The following UNC5D variants were observed in gnomAD, a reference collection of about 807,000 sequenced individuals.
UNC5D encodes netrin receptor UNC5D.
In UNC5D, 39 loss-of-function variants were observed where a neutral mutation model predicts 105.4. The ratio of observed to expected loss-of-function variants is 0.37; its 90% CI spans 0.29 to 0.48. UNC5D has a LOEUF of 0.48. UNC5D is among the 20% of genes least tolerant of loss of function. The pLI, the probability that UNC5D is intolerant of heterozygous loss-of-function variation, is 0.98. For missense variants in UNC5D, 991 were observed against 1,202.4 expected (o/e 0.82, Z 2.60); for synonymous variants, 452 against 450.4 (o/e 1.00, Z -0.04).
chr8:35,487,170 T>C lies in UNC5D; in HGVS notation c.104-62122T>C, dbSNP rs80054755. ...ATCTTGTAATGAGTCACAGCATTCC[T>C]GATGAATGCCTCATGAAATTGAGAT... On this transcript the variant is annotated intron_variant, in intron 1 of 16. Transcript: ENST00000404895. 5.9e-3 allele frequency among the ~76,000 whole-genome samples: 892 copies of C among 149,976 alleles called. 9 individuals are homozygous for C. The highest frequency in any genetic ancestry group is 0.021 in the African/African-American group (854 of 41,410).
chr8:35,643,449 T>C (rs954208321), intron 4 of UNC5D, among the ~76,000 whole-genome samples: 4 of 152,216 alleles, frequency 2.6e-5, no homozygotes, highest in African/African-American at 4.8e-5. Context: ...CCTGAGTAGC[T>C]GGGACTACAG....
chr8:35,275,696 C>G (rs1805728107), intron 1 of UNC5D, among the ~76,000 whole-genome samples: 1 of 152,178 alleles, frequency 6.6e-6, no homozygotes, highest in Non-Finnish European at 1.5e-5. Context: ...TGGAGGAAAT[C>G]ACTGTGGCAG....
At chr8:35,565,437 CTT>C (rs1816711394) in intron 2 of UNC5D, among the ~76,000 whole-genome samples, 1 of 151,902 alleles carries the variant, frequency 6.6e-6, no homozygotes, top group African/African-American at 2.4e-5. Context: ...GATTATTTGT[CTT>C]TTCTTGCTGA....
chr8:35,290,071 G>C lies in UNC5D; in HGVS notation c.103+54184G>C, dbSNP rs559014448. 5.9e-4 allele frequency among the ~76,000 whole-genome samples: 90 copies of C among 152,256 alleles called. 4 individuals are homozygous for C. In the South Asian group the frequency reaches 0.018, roughly 30 times the overall value. On this transcript the variant is annotated intron_variant, in intron 1 of 16. Coordinates refer to ENST00000404895, the MANE Select transcript of UNC5D (RefSeq NM_080872.4). ...AGGATATGGAGAAAAAGGAACTTCT[G>C]TATATTATTGGCGGGAATGTATATA...
intron 1 of UNC5D, among the ~76,000 whole-genome samples, chr8:35,388,233 A>G (rs1176690231): frequency 6.6e-5 from 10 of 152,118 alleles, no homozygotes; most frequent in African/African-American, 2.2e-4. Context: ...GCATGGTGGC[A>G]GGCACCTGTA....
intron 10 of UNC5D, among the ~76,000 whole-genome samples, chr8:35,729,316 A>C (rs1829063713): frequency 6.6e-6 from 1 of 152,148 alleles, no homozygotes; most frequent in African/African-American, 2.4e-5. Context: ...AGAAGCTAAC[A>C]TGTCTCGGAC....
At chr8:35,588,278 G>C (rs529339186) in intron 3 of UNC5D, among the ~76,000 whole-genome samples, 1 of 152,058 alleles carries the variant, frequency 6.6e-6, no homozygotes, top group African/African-American at 2.4e-5. Flanking sequence ...AGGAAAGAGA[G>C]GTAGCTAGGC....
At chr8:35,384,912 A>G (rs543647648) in intron 1 of UNC5D, among the ~76,000 whole-genome samples, 10 of 152,318 alleles carry the variant, frequency 6.6e-5, no homozygotes, top group African/African-American at 2.4e-4. Context: ...GAATCTGCAT[A>G]GAAGGGGAGT....
intron 1 of UNC5D, among the ~76,000 whole-genome samples, chr8:35,413,185 A>G (rs574631009): frequency 3.3e-4 from 49 of 150,128 alleles, no homozygotes; most frequent in African/African-American, 1.2e-3. Context: ...TACATTAGCT[A>G]TGTTCCATGC....
chr8:35,251,404 G>A (rs1198235963), intron 1 of UNC5D, among the ~76,000 whole-genome samples: 3 of 152,048 alleles, frequency 2.0e-5, no homozygotes, highest in Non-Finnish European at 4.4e-5. Context: ...ATCTCCCACC[G>A]GATCCCTCCC....
At chr8:35,635,582 T>C (rs1025150325) in intron 4 of UNC5D, among the ~76,000 whole-genome samples, 5 of 152,166 alleles carry the variant, frequency 3.3e-5, no homozygotes, top group African/African-American at 1.2e-4. Flanking sequence ...TTAACAACAC[T>C]GACTGCTGGC....
rs184773363 is a variant in UNC5D at position 35,744,948 on chromosome 8, G to A, written c.1767-3579G>A. On this transcript the variant is annotated intron_variant, in intron 11 of 16. Coordinates refer to ENST00000404895, the MANE Select transcript of UNC5D (RefSeq NM_080872.4). ...TGTGCCTATAATCCCAGCTACTTGG[G>A]AGGCTGAGGCTGTAGAATCGCTTGA... 3.9e-5 allele frequency among the ~76,000 whole-genome samples: 6 copies of A among 152,162 alleles called. No individual in the cohort carries two copies. The East Asian group carries it at 5.8e-4, about 15-fold the overall frequency.
chr8:35,408,765 G>GA (rs879938086), intron 1 of UNC5D, among the ~76,000 whole-genome samples: 245 of 144,976 alleles, frequency 1.7e-3, no homozygotes, highest in East Asian at 5.5e-3. Context: ...AGATTAAAAA[G>GA]AAAAAAAAAA....
chr8:35,675,441 GCAGA>G (rs1015892701), intron 4 of UNC5D, among the ~76,000 whole-genome samples: 1 of 152,148 alleles, frequency 6.6e-6, no homozygotes, highest in Non-Finnish European at 1.5e-5. Flanking sequence ...GACAAGTAGA[GCAGA>G]AAGAAAATGA....
chr8:35,573,197 T>G (rs1817867427), intron 3 of UNC5D, among the ~76,000 whole-genome samples: 1 of 152,218 alleles, frequency 6.6e-6, no homozygotes, highest in South Asian at 2.1e-4. Flanking sequence ...TAGAATATGT[T>G]TCTGAAGCAC....
At chr8:35,569,802 AAT>A (rs1485358747) in intron 3 of UNC5D, among the ~76,000 whole-genome samples, 4 of 152,166 alleles carry the variant, frequency 2.6e-5, no homozygotes, top group African/African-American at 9.7e-5. Context: ...GTCAAGATAA[AAT>A]AGGTAATTTC....
At chr8:35,569,762 C>A (rs1344341918) in intron 3 of UNC5D, among the ~76,000 whole-genome samples, 1 of 152,186 alleles carries the variant, frequency 6.6e-6, no homozygotes, top group Non-Finnish European at 1.5e-5. Flanking sequence ...AGCATGGTCT[C>A]AATCAGGCCA....
At chr8:35,730,619 A>G (rs1829139522) in intron 10 of UNC5D, among the ~76,000 whole-genome samples, 1 of 152,170 alleles carries the variant, frequency 6.6e-6, no homozygotes, top group Non-Finnish European at 1.5e-5. Flanking sequence ...GGTTTTCAGG[A>G]AATAAACAGA....
At chr8:35,494,648 TA>T (rs1297502021) in intron 1 of UNC5D, among the ~76,000 whole-genome samples, 1 of 152,238 alleles carries the variant, frequency 6.6e-6, no homozygotes, top group Non-Finnish European at 1.5e-5. Flanking sequence ...GGCAGGATTC[TA>T]ATTCTGAAAG....
Sources: allele counts gnomAD v4.1 joint callset (sites outside exome capture counted in the v4.1 genomes callset), GRCh38; gene constraint gnomAD v4.1.1; transcripts MANE v1.5; gene names NCBI Gene and HGNC (gene_info 2026-07-23, HGNC 2026-07-21).